NDUFAF6: variants seen among roughly 807,000 people sequenced by gnomAD.
NDUFAF6 encodes the protein NADH:ubiquinone oxidoreductase complex assembly factor 6.
A neutral mutation model predicts 40.8 loss-of-function variants in NDUFAF6; 45 were observed. That is an observed-to-expected ratio of 1.10 (90% confidence interval 0.87 to 1.42). The LOEUF (loss-of-function observed/expected upper bound fraction) is 1.42. Ranked by LOEUF, NDUFAF6 falls within the 40% of genes most tolerant of loss-of-function variation. NDUFAF6 has a pLI of 0.00. For synonymous variants in NDUFAF6, 185 were observed against 155.9 expected (o/e 1.19, Z -1.39); for missense variants, 435 against 418.5 (o/e 1.04, Z -0.34).
intron 2 of NDUFAF6, among the ~76,000 whole-genome samples, chr8:94,992,787 C>A (rs1259543003): frequency 6.6e-6 from 1 of 152,182 alleles, no homozygotes; most frequent in African/African-American, 2.4e-5. Flanking sequence ...TGATCCTTTA[C>A]CATCTTCTCT....
chr8:94,978,582 G>A (rs1825160159), intron 1 of NDUFAF6, among the ~76,000 whole-genome samples: 1 of 152,012 alleles, frequency 6.6e-6, no homozygotes, highest in South Asian at 2.1e-4. Context: ...AGGCTTGGAG[G>A]TGCACGCCTA....
chr8:94,993,401 G>T (rs984152410), intron 2 of NDUFAF6, among the ~76,000 whole-genome samples: 3 of 152,148 alleles, frequency 2.0e-5, no homozygotes, highest in African/African-American at 7.2e-5. Context: ...CCCAGTAAGG[G>T]GTTTAATCTC....
At chr8:94,980,773 A>G (rs1825380635) in intron 1 of NDUFAF6, 1 of 328,214 alleles carries the variant, frequency 3.0e-6, no homozygotes, top group East Asian at 7.7e-5. Context: ...TTAATGAATA[A>G]GGCATAAAAC....
At chr8:95,082,058 C>T (rs1291760208) in intron 2 of NDUFAF6, among the ~76,000 whole-genome samples, 1 of 151,498 alleles carries the variant, frequency 6.6e-6, no homozygotes, top group Non-Finnish European at 1.5e-5. Flanking sequence ...AGTGAGACTC[C>T]GTCTCAAAAA....
At chr8:95,082,213 A>G (rs768137014) in intron 2 of NDUFAF6, among the ~76,000 whole-genome samples, 1 of 152,090 alleles carries the variant, frequency 6.6e-6, no homozygotes, top group Non-Finnish European at 1.5e-5. Flanking sequence ...GCGGTGGCTT[A>G]TGCCTGTAAT....
intron 1 of NDUFAF6, chr8:94,929,969 C>G (rs1362414397): frequency 6.5e-6 from 1 of 153,220 alleles, no homozygotes; most frequent in Non-Finnish European, 1.5e-5. Flanking sequence ...AGCCATAATT[C>G]CATTATATCC....
chr8:95,047,008 C>T lies in NDUFAF6; in HGVS notation c.595C>T (p.His199Tyr). 6.2e-7 allele frequency: 1 copy of T among 1,614,114 alleles called. No individual in the cohort carries two copies. The highest frequency in any genetic ancestry group is 8.5e-7 in the Non-Finnish European group (1 of 1,180,014). Residue 199 changes from histidine to tyrosine, a missense_variant, in exon 6 of 9, where the codon CAT (histidine) becomes TAT (tyrosine). By Grantham distance (83) the His-to-Tyr change is moderately conservative. Transcript: ENST00000396124. ...TLEILGIKDL[H>Y]ADHAASHIGK... ...TGAAATCATAGGTATAAAGGATCTT[C>T]ATGCAGATCATGCTGCAAGTCATAT...
downstream of NDUFAF6, chr8:95,103,500 G>A (rs1277759345): frequency 3.9e-5 from 6 of 152,146 alleles, no homozygotes; most frequent in African/African-American, 1.2e-4. Flanking sequence ...CAGTAGGATG[G>A]CAAATAAAAT....
chr8:95,075,529 T>C lies in NDUFAF6; in HGVS notation c.*512-104T>C, dbSNP rs1833000192. 3.2e-6 allele frequency: 3 copies of C among 946,404 alleles called. No individual in the cohort carries two copies. The Admixed American group carries it at 7.6e-5, about 24-fold the overall frequency. The allele number at this position is 946,404 out of a possible 1,614,324, so 58.6% of individuals were successfully genotyped here. ...GCACTCCCTTTTTGGAGCTGGGATTTTATCCTCCCCAGGCCAACCATAAGC... is the reference window on the plus strand; with the variant it reads ...GCACTCCCTTTTTGGAGCTGGGATTCTATCCTCCCCAGGCCAACCATAAGC... On this transcript the variant is annotated intron_variant and NMD_transcript_variant, in intron 9 of 9. Transcript: ENST00000520757.
chr8:94,981,481 G>A (rs780687689), intron 2 of NDUFAF6, among the ~76,000 whole-genome samples: 2 of 152,136 alleles, frequency 1.3e-5, no homozygotes, highest in Non-Finnish European at 2.9e-5. Context: ...GAAGTTTGAT[G>A]GCTGCAGCAG....
At chr8:94,908,999 T>C (rs1397511103) in intron 1 of NDUFAF6, among the ~76,000 whole-genome samples, 1 of 151,996 alleles carries the variant, frequency 6.6e-6, no homozygotes, top group Non-Finnish European at 1.5e-5. Flanking sequence ...AAGAGGAAAA[T>C]AAGAATTGGA....
chr8:94,956,835 TGCTTGGG>T (rs375996863), upstream of NDUFAF6, among the ~76,000 whole-genome samples: 40 of 152,188 alleles, frequency 2.6e-4, no homozygotes, highest in Middle Eastern at 3.4e-3. Context: ...TCAAGGATGG[TGCTTGGG>T]GCTCTGATCT....
chr8:94,916,754 A>C (rs1819147146), intron 1 of NDUFAF6, among the ~76,000 whole-genome samples: 1 of 145,346 alleles, frequency 6.9e-6, no homozygotes, highest in African/African-American at 2.5e-5. Flanking sequence ...CAGAGGTTGC[A>C]GTGAGCCGAG....
At chr8:94,923,963 CA>C (rs1459422138) in intron 1 of NDUFAF6, among the ~76,000 whole-genome samples, 3 of 152,052 alleles carry the variant, frequency 2.0e-5, no homozygotes, top group African/African-American at 7.2e-5. Flanking sequence ...GCTGGGATTA[CA>C]GGCGTGAGCC....
At chr8:95,038,535 G>A (rs1311748971) in intron 3 of NDUFAF6, among the ~76,000 whole-genome samples, 4 of 151,772 alleles carry the variant, frequency 2.6e-5, no homozygotes, top group African/African-American at 9.7e-5. Context: ...TTTAGTACAG[G>A]TGAGGTCTCA....
At chr8:94,968,030 G>A (rs896561605) in intron 1 of NDUFAF6, among the ~76,000 whole-genome samples, 5 of 152,072 alleles carry the variant, frequency 3.3e-5, no homozygotes, top group Non-Finnish European at 7.4e-5. Context: ...TCACTCACAT[G>A]GTAGTTGGCA....
At chr8:94,978,493 A>C (rs1003523887) in intron 1 of NDUFAF6, among the ~76,000 whole-genome samples, 1 of 152,110 alleles carries the variant, frequency 6.6e-6, no homozygotes, top group Non-Finnish European at 1.5e-5. Context: ...AGGTGGGAGG[A>C]TCACTTGAGC....
downstream of NDUFAF6, among the ~76,000 whole-genome samples, chr8:95,117,094 G>A (rs1810151483): frequency 6.6e-6 from 1 of 152,212 alleles, no homozygotes; most frequent in Non-Finnish European, 1.5e-5. Flanking sequence ...GTATCCAGGA[G>A]CATGGGATAC....
At chr8:95,115,740 A>G (rs1303914111) in intron 5 of NDUFAF6, 2 of 152,190 alleles carry the variant, frequency 1.3e-5, no homozygotes, top group East Asian at 1.9e-4. Context: ...GCTTCAAGGT[A>G]TCTTTTCAGT....
Sources: gnomAD v4.1 joint callset for allele counts (sites outside exome capture counted in the v4.1 genomes callset) on GRCh38, gnomAD v4.1.1 for gene constraint, MANE v1.5 for transcripts, NCBI Gene and HGNC (gene_info 2026-07-23, HGNC 2026-07-21) for gene names.